The following BMAL2 variants were observed in gnomAD, a reference collection of about 807,000 sequenced individuals.
BMAL2 encodes basic helix-loop-helix ARNT-like protein 2.
chr12:27,389,062 T>G, the BMAL2 span: 3 of 771,384 alleles, frequency 3.9e-6, no homozygotes, highest in Non-Finnish European at 6.8e-6. Flanking sequence ...GTCGTGGACA[T>G]ATCTTTGAGC....
chr12:27,404,132 G>A, the BMAL2 span, among the ~76,000 whole-genome samples: 1 of 147,344 alleles, frequency 6.8e-6, no homozygotes, highest in Non-Finnish European at 1.5e-5. Context: ...GCTGTAGTCA[G>A]CTGTGATCCT....
At chr12:27,348,205 C>T in the BMAL2 span, among the ~76,000 whole-genome samples, 1 of 152,228 alleles carries the variant, frequency 6.6e-6, no homozygotes, top group Non-Finnish European at 1.5e-5. Flanking sequence ...TATAACTCTG[C>T]CTTGGGCTCT....
the BMAL2 span, chr12:27,422,462 A>G: frequency 1.3e-5 from 2 of 152,252 alleles, no homozygotes; most frequent in African/African-American, 4.8e-5. Flanking sequence ...AATAACCAAA[A>G]GCAAATGTTT....
At chr12:27,399,681 T>C in the BMAL2 span, among the ~76,000 whole-genome samples, 22 of 152,344 alleles carry the variant, frequency 1.4e-4, no homozygotes, top group African/African-American at 5.3e-4. Context: ...ATAGTGCCAA[T>C]TTGAAACAAT....
chr12:27,419,332 A>G, the BMAL2 span, among the ~76,000 whole-genome samples: 175 of 152,354 alleles, frequency 1.1e-3, 1 homozygote, highest in African/African-American at 3.8e-3. Flanking sequence ...GTCCAAGAGT[A>G]TAGTGCAGGC....
chr12:27,365,936 A>G, the BMAL2 span, among the ~76,000 whole-genome samples: 1 of 151,784 alleles, frequency 6.6e-6, no homozygotes, highest in Non-Finnish European at 1.5e-5. Context: ...TTTACTTATT[A>G]TATTTCAATT....
At chr12:27,340,534 A>G in the BMAL2 span, among the ~76,000 whole-genome samples, 1 of 151,156 alleles carries the variant, frequency 6.6e-6, no homozygotes, top group Non-Finnish European at 1.5e-5. Context: ...AAGTTAGGCA[A>G]TGGTGATACT....
chr12:27,378,684 G>C, the BMAL2 span, among the ~76,000 whole-genome samples: 2 of 152,152 alleles, frequency 1.3e-5, no homozygotes, highest in African/African-American at 4.8e-5. Flanking sequence ...GCAGTGAATA[G>C]TTTTATGCAA....
the BMAL2 span, among the ~76,000 whole-genome samples, chr12:27,418,989 A>G: frequency 6.6e-6 from 1 of 151,118 alleles, no homozygotes; most frequent in Non-Finnish European, 1.5e-5. Context: ...AAAAAAAAAA[A>G]GGATGTTACT....
chr12:27,393,815 C>G, the BMAL2 span, among the ~76,000 whole-genome samples: 1 of 152,076 alleles, frequency 6.6e-6, no homozygotes, highest in Non-Finnish European at 1.5e-5. Context: ...TGTGAGATGG[C>G]CCTAATATGC....
At chr12:27,360,280 A>C in the BMAL2 span, among the ~76,000 whole-genome samples, 1 of 152,158 alleles carries the variant, frequency 6.6e-6, no homozygotes, top group African/African-American at 2.4e-5. Context: ...CTGAGGAACC[A>C]TTACAGATGA....
chr12:27,375,616 A>G, the BMAL2 span, among the ~76,000 whole-genome samples: 1 of 152,226 alleles, frequency 6.6e-6, no homozygotes, highest in Admixed American at 6.5e-5. Flanking sequence ...AACTGTGATT[A>G]CTTCCAGGTG....
the BMAL2 span, among the ~76,000 whole-genome samples, chr12:27,362,375 A>G: frequency 1.3e-5 from 2 of 152,190 alleles, no homozygotes; most frequent in South Asian, 2.1e-4. Flanking sequence ...GTAGACTGGA[A>G]ACTTAATTCC....
At chr12:27,413,742 C>T in the BMAL2 span, among the ~76,000 whole-genome samples, 15 of 152,274 alleles carry the variant, frequency 9.9e-5, no homozygotes, top group South Asian at 2.7e-3. Context: ...CTGTGTGCTG[C>T]AACCAGTGAC....
the BMAL2 span, among the ~76,000 whole-genome samples, chr12:27,350,023 A>G: frequency 7.2e-4 from 110 of 152,254 alleles, no homozygotes; most frequent in Non-Finnish European, 1.1e-3. Context: ...TGGATATTTG[A>G]TGAAGTTCAC....
chr12:27,386,179 G>C, the BMAL2 span, among the ~76,000 whole-genome samples: 1 of 152,020 alleles, frequency 6.6e-6, no homozygotes, highest in African/African-American at 2.4e-5. Context: ...TCTTTTATTT[G>C]AACAGCTGAA....
the BMAL2 span, chr12:27,390,106 A>C: frequency 1.2e-6 from 2 of 1,613,496 alleles, no homozygotes; most frequent in South Asian, 2.2e-5. Flanking sequence ...CTGGTTTGCA[A>C]GTTCACAGTA....
the BMAL2 span, chr12:27,424,825 GT>G: frequency 1.3e-5 from 2 of 152,226 alleles, no homozygotes; most frequent in African/African-American, 4.8e-5. Context: ...TTCTGTTTTT[GT>G]AATGCTTTCA....
chr12:27,384,584 A>G, the BMAL2 span, among the ~76,000 whole-genome samples: 1 of 152,322 alleles, frequency 6.6e-6, no homozygotes, highest in South Asian at 2.1e-4. Context: ...ATAGGGGCAT[A>G]CATTCCAAGA....
Sources: allele counts gnomAD v4.1 joint callset (sites outside exome capture counted in the v4.1 genomes callset), GRCh38; gene constraint gnomAD v4.1.1; transcripts MANE v1.5; gene names NCBI Gene and HGNC (gene_info 2026-07-23, HGNC 2026-07-21).